Variants in EBF1 observed in about 807,000 individuals in gnomAD.
The protein encoded by EBF1 is EBF transcription factor 1.
EBF1 carries 10 observed loss-of-function variants against 68.4 expected under a neutral mutation model. The observed-to-expected ratio is 0.15, with a 90% CI of 0.09 to 0.25. The LOEUF (loss-of-function observed/expected upper bound fraction) is 0.25. Among genes scored for constraint, EBF1 ranks in the 10% least tolerant of loss-of-function variants. The probability of loss-of-function intolerance (pLI) is 1.00; values close to 1 mark genes in which losing one functional copy is unlikely to be tolerated. For synonymous variants in EBF1, 298 were observed against 299.8 expected, an observed-to-expected ratio of 0.99 and a Z score of 0.06; for missense variants, 509 against 794.4, an observed-to-expected ratio of 0.64 and a Z score of 4.32.
At chr5:159,073,683 G>C (rs1778236562) in intron 5 of EBF1, 2 of 544,424 alleles carry the variant, frequency 3.7e-6, no homozygotes, top group African/African-American at 3.8e-5. Context: ...AGGTGGGGGA[G>C]AGGGGCTCTC....
At chr5:158,996,018 TG>T (rs2127625634) in intron 6 of EBF1, among the ~76,000 whole-genome samples, 1 of 152,308 alleles carries the variant, frequency 6.6e-6, no homozygotes, top group African/African-American at 2.4e-5. Context: ...TGTTTCTAGC[TG>T]TCTGGCCTCC....
rs182075004 is a variant in EBF1, at chr5:159,038,799, A to C, written c.554+34597T>G. Among the ~76,000 whole-genome samples the C allele has an allele frequency of 1.2e-4, 18 of 152,134 alleles. No individual in the cohort carries two copies. The East Asian group carries it at 3.3e-3, about 28-fold the overall frequency. On this transcript the variant is annotated intron_variant, in intron 6 of 15. Coordinates refer to ENST00000313708, the MANE Select transcript of EBF1 (RefSeq NM_024007.5). ...TTGCTGTGGAAGTCTCAGAAATTCC[A>C]CCCTAACTCTTCCCAGGAGGGCTAA... is the stretch of plus-strand genomic sequence containing the variant.
rs562290817 is a variant in EBF1, at chr5:158,867,891, G to A, written c.555-27781C>T. 9.9e-5 allele frequency among the ~76,000 whole-genome samples: 15 copies of A among 152,208 alleles called. No homozygotes were observed. In the East Asian group the frequency reaches 1.2e-3, roughly 12 times the overall value. On this transcript the variant is annotated intron_variant, in intron 6 of 15. Transcript: ENST00000313708. ...TATGGCTCCTCTTTGATGAGCATTC[G>A]ACCATTTCAGACTCTGCCTTCATTT...
rs543959221 is a variant in EBF1 at position 159,066,795 on chromosome 5, C to G, written c.554+6601G>C. Among the ~76,000 whole-genome samples, 4 of 152,212 alleles carry G rather than the reference C, an allele frequency of 2.6e-5. No individual in the cohort carries two copies. In the South Asian group the frequency reaches 8.3e-4, roughly 32 times the overall value. On this transcript the variant is annotated intron_variant, in intron 6 of 15. Transcript: ENST00000313708. ...TAAGGGAGATTTTTCTTCCTCTACC[C>G]ACACCTTTCAAGGCAGGGAGCAATG...
chr5:158,830,261 C>A (rs879579803), intron 7 of EBF1, among the ~76,000 whole-genome samples: 3 of 151,912 alleles, frequency 2.0e-5, no homozygotes, highest in Admixed American at 2.0e-4. Context: ...TTCTCACCCA[C>A]CCTCAGTTCT....
intron 6 of EBF1, among the ~76,000 whole-genome samples, chr5:158,966,537 T>C (rs1267842314): frequency 1.3e-5 from 2 of 152,050 alleles, no homozygotes; most frequent in Admixed American, 1.3e-4. Context: ...GAGAGAAATA[T>C]CAATAAACTG....
chr5:159,027,397 T>C (rs1373318116), intron 6 of EBF1, among the ~76,000 whole-genome samples: 1 of 152,168 alleles, frequency 6.6e-6, no homozygotes, highest in East Asian at 1.9e-4. Flanking sequence ...AGACCACTGT[T>C]CATCCCCAGA....
intron 6 of EBF1, among the ~76,000 whole-genome samples, chr5:158,848,076 C>T (rs1791881926): frequency 6.6e-6 from 1 of 152,190 alleles, no homozygotes. Context: ...ATGTGTAAGG[C>T]CGTGTCCTGA....
intron 6 of EBF1, among the ~76,000 whole-genome samples, chr5:158,899,414 G>A (rs1424277103): frequency 6.6e-6 from 1 of 152,208 alleles, no homozygotes; most frequent in East Asian, 1.9e-4. Flanking sequence ...GGGAATCACA[G>A]GAAGCAGTAA....
At chr5:158,904,391 G>GC (rs1473401483) in intron 6 of EBF1, among the ~76,000 whole-genome samples, 1 of 152,090 alleles carries the variant, frequency 6.6e-6, no homozygotes, top group Non-Finnish European at 1.5e-5. Context: ...CAGCCTACTT[G>GC]TTTTCTTGTG....
intron 6 of EBF1, among the ~76,000 whole-genome samples, chr5:158,951,774 A>G (rs1323239868): frequency 6.6e-6 from 1 of 152,188 alleles, no homozygotes; most frequent in Non-Finnish European, 1.5e-5. Flanking sequence ...CTGCTTATCC[A>G]CTACGAAGAG....
chr5:158,771,115 G>T (rs1773781059), intron 10 of EBF1, among the ~76,000 whole-genome samples: 1 of 152,090 alleles, frequency 6.6e-6, no homozygotes, highest in African/African-American at 2.4e-5. Flanking sequence ...TGCCTAGAAA[G>T]AAACAATGTC....
intron 5 of EBF1, among the ~76,000 whole-genome samples, chr5:159,077,133 G>A (rs746144254): frequency 1.1e-4 from 17 of 152,168 alleles, no homozygotes; most frequent in Non-Finnish European, 2.2e-4. Flanking sequence ...TAATGTCAAC[G>A]GCTTTAGAAA....
At position 158,781,230 on chromosome 5, in the gene EBF1, A is replaced by C. The variant is rs375085925; in HGVS notation, c.910-3691T>G. ...ATTTAAAACACTTGGATGAAAACCA[A>C]TCTCTTATACTTATAAAGAAGTATT... On this transcript the variant is annotated intron_variant, in intron 9 of 15. Coordinates refer to ENST00000313708, the MANE Select transcript of EBF1 (RefSeq NM_024007.5). 9.6e-4 allele frequency among the ~76,000 whole-genome samples: 146 copies of C among 152,294 alleles called. No homozygotes were observed. The South Asian group carries it at 0.014, about 14-fold the overall frequency.
At chr5:158,887,024 A>G (rs1368800612) in intron 6 of EBF1, among the ~76,000 whole-genome samples, 2 of 152,218 alleles carry the variant, frequency 1.3e-5, no homozygotes, top group East Asian at 1.9e-4. Context: ...GAGACTTTAT[A>G]TTAACAGAAG....
At chr5:158,890,214 T>G (rs1271701202) in intron 6 of EBF1, among the ~76,000 whole-genome samples, 1 of 151,996 alleles carries the variant, frequency 6.6e-6, no homozygotes, top group Non-Finnish European at 1.5e-5. Context: ...ATTTTAAGAG[T>G]TTTTTCCCTA....
At chr5:158,706,837 A>T (rs1380037894) in intron 15 of EBF1, among the ~76,000 whole-genome samples, 1 of 152,234 alleles carries the variant, frequency 6.6e-6, no homozygotes, top group Non-Finnish European at 1.5e-5. Context: ...TGCACAATGA[A>T]GACCATAATG....
intron 6 of EBF1, among the ~76,000 whole-genome samples, chr5:159,060,921 G>A (rs1775665952): frequency 1.5e-5 from 2 of 136,300 alleles, no homozygotes; most frequent in Non-Finnish European, 1.5e-5. Context: ...TTTAGAGAGG[G>A]TTAAAGCTAC....
chr5:159,073,602 G>T, intron 5 of EBF1, 138 bp from the exon 6 acceptor site: 1 of 861,338 alleles, frequency 1.2e-6, no homozygotes, highest in Non-Finnish European at 1.9e-6. Context: ...ACGGATCCCT[G>T]GGACAGATAA....
Sources: allele counts gnomAD v4.1 joint callset (sites outside exome capture counted in the v4.1 genomes callset), GRCh38; gene constraint gnomAD v4.1.1; transcripts MANE v1.5; gene names NCBI Gene and HGNC (gene_info 2026-07-23, HGNC 2026-07-21).